CNNM4: variants seen among roughly 807,000 people sequenced by gnomAD.
The protein encoded by CNNM4 is metal transporter CNNM4.
Under a neutral mutation model 53.7 loss-of-function variants are expected in CNNM4, and 32 were observed. The observed-to-expected ratio is 0.60, with a 90% CI of 0.45 to 0.80. CNNM4 has a LOEUF of 0.80. Ranked by LOEUF, CNNM4 falls within the 30% of genes least tolerant of loss-of-function variation. The pLI, the probability that CNNM4 is intolerant of heterozygous loss-of-function variation, is 0.00. For synonymous variants in CNNM4, 410 were observed against 440.0 expected, an observed-to-expected ratio of 0.93 and a Z score of 0.85; for missense variants, 784 against 1,022.0, an observed-to-expected ratio of 0.77 and a Z score of 3.17.
At chr2:96,805,440 A>ATTTTTTTTTTTTTTTTTTTTTTT (rs2079195166) in intron 5 of CNNM4, among the ~76,000 whole-genome samples, 1 of 87,482 alleles carries the variant, frequency 1.1e-5, no homozygotes, top group Non-Finnish European at 2.2e-5. Flanking sequence ...TTTTTTTTTT[A>ATTTTTTTTTTTTTTTTTTTTTTT]TTATTTTTTT....
chr2:96,794,497 A>G (rs2079086582), intron 1 of CNNM4, among the ~76,000 whole-genome samples: 2 of 152,226 alleles, frequency 1.3e-5, no homozygotes, highest in Middle Eastern at 3.4e-3. Context: ...TCTTTCACTA[A>G]TAGCGTATCT....
At chr2:96,779,224 C>T (rs2078952308) in intron 1 of CNNM4, among the ~76,000 whole-genome samples, 1 of 152,144 alleles carries the variant, frequency 6.6e-6, no homozygotes, top group Non-Finnish European at 1.5e-5. Context: ...TCCCAAAATG[C>T]TGGGATTACA....
intron 1 of CNNM4, among the ~76,000 whole-genome samples, chr2:96,765,334 C>CA (rs1286786121): frequency 6.6e-6 from 1 of 151,846 alleles, no homozygotes; most frequent in Non-Finnish European, 1.5e-5. Context: ...CCATGTTGGT[C>CA]AGGCTGGTCT....
intron 1 of CNNM4, among the ~76,000 whole-genome samples, chr2:96,768,641 T>A (rs1008979280): frequency 6.6e-6 from 1 of 152,024 alleles, no homozygotes; most frequent in African/African-American, 2.4e-5. Context: ...GAAGAGACAG[T>A]TTAGTGAGGG....
chr2:96,789,189 G>A (rs970784651), intron 1 of CNNM4, among the ~76,000 whole-genome samples: 4 of 152,104 alleles, frequency 2.6e-5, no homozygotes, highest in South Asian at 2.1e-4. Flanking sequence ...GGAGATAGAC[G>A]CCGGTCAGCC....
chr2:96,811,236 GA>G lies in CNNM4; in HGVS notation c.*1725del. 6.6e-6 allele frequency: 1 copy of G among 152,292 alleles called. No individual in the cohort carries two copies. The highest frequency in any genetic ancestry group is 1.5e-5 in the Non-Finnish European group (1 of 68,026). 9.4% of individuals were successfully genotyped at this position (152,292 alleles called of 1,614,324 possible). A position where few individuals can be genotyped will look rare whatever the true frequency, so the allele number is the denominator to read the frequency against. The stretch of plus-strand genomic sequence containing the variant: ...ACACCCATGGGTTCTCAACTGTAAG[GA>G]AAAAAGACACCAGACTTTTGTTCCC... On this transcript the variant is annotated 3_prime_UTR_variant, in exon 7 of 7. Transcript: ENST00000377075.
In CNNM4 at chr2:96,809,742, C is replaced by T. The variant is rs868661418; in HGVS notation, c.*225C>T. Reference sequence around the variant, plus strand: ...GATAGGGGGGGCAGTGGGCCAGCTACCGTAAGCAAAGGCTGTTTTTTACTG... The same window carrying T: ...GATAGGGGGGGCAGTGGGCCAGCTATCGTAAGCAAAGGCTGTTTTTTACTG... On this transcript the variant is annotated 3_prime_UTR_variant, in exon 7 of 7. Coordinates refer to ENST00000377075, the MANE Select transcript of CNNM4 (RefSeq NM_020184.4). The T allele has an allele frequency of 1.0e-5, 5 of 478,838 alleles. No homozygotes were observed. Among genetic ancestry groups the T allele is most frequent in the Non-Finnish European group, 1.9e-5 (5 of 269,722 alleles). 29.7% of individuals were successfully genotyped at this position (478,838 alleles called of 1,614,324 possible). A position where few individuals can be genotyped will look rare whatever the true frequency, so the allele number is the denominator to read the frequency against.
chr2:96,804,772 G>A (rs1455419453), intron 5 of CNNM4, among the ~76,000 whole-genome samples: 1 of 151,968 alleles, frequency 6.6e-6, no homozygotes, highest in Non-Finnish European at 1.5e-5. Context: ...CTGATGTTAG[G>A]TGATCCGCCC....
intron 1 of CNNM4, among the ~76,000 whole-genome samples, chr2:96,784,411 G>C (rs1388705065): frequency 1.3e-5 from 2 of 152,278 alleles, no homozygotes; most frequent in Non-Finnish European, 2.9e-5. Context: ...TAGCGAGGAA[G>C]AAAGGCTGGT....
In CNNM4 at chr2:96,797,702, T is replaced by G; in HGVS notation, c.1681+55T>G. The stretch of plus-strand genomic sequence containing the variant: ...TGGAAATACGGTCACGGGGGAGAAG[T>G]CCTGGGTTTCCGGCTGCTTTCCCCC... On this transcript the variant is annotated intron_variant, in intron 3 of 6. Transcript: ENST00000377075. The surrounding 1 kb of genome is among the most constrained non-coding windows in gnomAD (Gnocchi z 6.0). The G allele has an allele frequency of 1.2e-6, 2 of 1,605,618 alleles. No individual in the cohort carries two copies. The highest frequency in any genetic ancestry group is 1.1e-5 in the South Asian group (1 of 90,816).
At chr2:96,762,653 G>A (rs1013654368) in intron 1 of CNNM4, among the ~76,000 whole-genome samples, 3 of 152,122 alleles carry the variant, frequency 2.0e-5, no homozygotes, top group Non-Finnish European at 2.9e-5. Context: ...TCCCTTGGAG[G>A]GCTGGAGCAA....
chr2:96,767,201 C>T (rs940735513), intron 1 of CNNM4, among the ~76,000 whole-genome samples: 15 of 152,154 alleles, frequency 9.9e-5, no homozygotes, highest in African/African-American at 3.1e-4. Flanking sequence ...TCCCAGCTCA[C>T]GGCAGTTAGT....
chr2:96,795,889 G>T (rs1488352186), intron 1 of CNNM4, among the ~76,000 whole-genome samples: 1 of 152,124 alleles, frequency 6.6e-6, no homozygotes, highest in Non-Finnish European at 1.5e-5. Context: ...GGGGCCATAA[G>T]AACAGGGTGT....
At chr2:96,780,892 C>T (rs1302211360) in intron 1 of CNNM4, among the ~76,000 whole-genome samples, 2 of 150,686 alleles carry the variant, frequency 1.3e-5, no homozygotes, top group African/African-American at 4.9e-5. Flanking sequence ...GCGCGTACCA[C>T]CACACCCAGC....
chr2:96,809,847 TA>T lies in CNNM4; in HGVS notation c.*340del, dbSNP rs572669200. 2.6e-3 allele frequency: 541 copies of T among 207,450 alleles called. 1 individual carries two copies. Among genetic ancestry groups the T allele is most frequent in the East Asian group, 0.012 (118 of 9,654 alleles). 12.9% of individuals were successfully genotyped at this position (207,450 alleles called of 1,614,324 possible). On this transcript the variant is annotated 3_prime_UTR_variant, in exon 7 of 7. Transcript: ENST00000377075. ...GAAGACAGGGTTAAGGAACTTTATT[TA>T]AAAAAAAAATATTTTTTTCCTAAAA...
At chr2:96,789,537 C>T (rs1005554974) in intron 1 of CNNM4, among the ~76,000 whole-genome samples, 2 of 152,182 alleles carry the variant, frequency 1.3e-5, no homozygotes, top group African/African-American at 4.8e-5. Flanking sequence ...GGCAAGCATG[C>T]CGCCAGGCAA....
In CNNM4 at chr2:96,806,809, T is replaced by C. The variant is rs564078337; in HGVS notation, c.1949-1752T>C. 2.6e-5 allele frequency among the ~76,000 whole-genome samples: 4 copies of C among 152,248 alleles called. No homozygotes were observed. The East Asian group carries it at 7.7e-4, about 29-fold the overall frequency. ...ACGTATATCATTTGAAAAAGCAGTT[T>C]CTTTTTCAAAATAAGAAGCCCATTC... On this transcript the variant is annotated intron_variant, in intron 5 of 6. Transcript: ENST00000377075.
chr2:96,760,945 C>T lies in CNNM4; in HGVS notation c.-55C>T. ...GGAGCGGCCGGAGCTGCGGTGCGGA[C>T]CGGGGCCGCGCGGCGTGGCGCGGGG... On this transcript the variant is annotated 5_prime_UTR_variant, in exon 1 of 7. Coordinates refer to ENST00000377075, the MANE Select transcript of CNNM4 (RefSeq NM_020184.4). 2 of 941,818 alleles carry T rather than the reference C, an allele frequency of 2.1e-6. No homozygotes were observed. The highest frequency in any genetic ancestry group is 2.5e-6 in the Non-Finnish European group (2 of 789,964). The allele number at this position is 941,818 out of a possible 1,614,324, so 58.3% of individuals were successfully genotyped here.
intron 1 of CNNM4, among the ~76,000 whole-genome samples, chr2:96,791,381 C>T (rs971503968): frequency 2.0e-5 from 3 of 151,842 alleles, no homozygotes; most frequent in Non-Finnish European, 2.9e-5. Context: ...CCTGTAATCC[C>T]GGCACTTAGG....
Sources: gnomAD v4.1 joint callset for allele counts (sites outside exome capture counted in the v4.1 genomes callset) on GRCh38, gnomAD v4.1.1 for gene constraint, Gnocchi (gnomAD v3.1) non-coding constraint, MANE v1.5 for transcripts, NCBI Gene and HGNC (gene_info 2026-07-23, HGNC 2026-07-21) for gene names.